The following RELL1 variants were observed in gnomAD, a reference collection of about 807,000 sequenced individuals.
The protein encoded by RELL1 is RELT like 1.
RELL1 carries 10 observed loss-of-function variants against 23.0 expected under a neutral mutation model. That is an observed-to-expected ratio of 0.43 (90% CI 0.27 to 0.74). The LOEUF is 0.74. Ranked by LOEUF, RELL1 falls within the 30% of genes least tolerant of loss-of-function variation. The pLI is 0.19. For synonymous variants in RELL1, 146 were observed against 146.8 expected (o/e 0.99, Z 0.04); for missense variants, 315 against 364.4 (o/e 0.86, Z 1.10).
At chr4:37,677,189 T>C (rs973592737) in intron 1 of RELL1, among the ~76,000 whole-genome samples, 1 of 152,232 alleles carries the variant, frequency 6.6e-6, no homozygotes, top group African/African-American at 2.4e-5. Flanking sequence ...ACCAGGCCCT[T>C]GAGCATGAGG....
In RELL1 at chr4:37,668,750, C is replaced by T. The variant is rs1202995277; in HGVS notation, c.88+17450G>A. 2.9e-4 allele frequency among the ~76,000 whole-genome samples: 43 copies of T among 147,812 alleles called. 3 individuals carry two copies. The highest frequency in any genetic ancestry group is 2.5e-4 in the Non-Finnish European group (17 of 67,560). On this transcript the variant is annotated intron_variant, in intron 1 of 6. Transcript: ENST00000454158. ...AGTGAGGAGCATCTCTGCCCGGCCG[C>T]CATCCCATCTAGGAAGTGAGGAGCG...
intron 1 of RELL1, among the ~76,000 whole-genome samples, chr4:37,678,063 C>T (rs1560361569): frequency 6.6e-6 from 1 of 152,188 alleles, no homozygotes; most frequent in Non-Finnish European, 1.5e-5. Context: ...GTATAGGAAG[C>T]ATAGTGGCAT....
At chr4:37,609,497 T>A (rs914657648), downstream of RELL1, among the ~76,000 whole-genome samples, 3 of 152,238 alleles carry the variant, frequency 2.0e-5, no homozygotes, top group African/African-American at 7.2e-5. Context: ...CTTTCAAGTC[T>A]AATTATTTAA....
At chr4:37,624,418 CTTTTTTTTTTT>C (rs35118296) in intron 6 of RELL1, among the ~76,000 whole-genome samples, 3 of 111,372 alleles carry the variant, frequency 2.7e-5, no homozygotes, top group African/African-American at 1.1e-4. Flanking sequence ...TTCTTTCTTT[CTTTTTTTTTTT>C]TTTTTTTTGA....
intron 1 of RELL1, among the ~76,000 whole-genome samples, chr4:37,673,213 A>G (rs183328089): frequency 0.14 from 645 of 4,690 alleles, 19 homozygotes; most frequent in Admixed American, 0.38. Context: ...TTTTTGAGAC[A>G]GGGTTTCACT....
chr4:37,650,451 CTTGAGGCTCGTATATG>C (rs1346501085), intron 1 of RELL1, among the ~76,000 whole-genome samples: 3 of 152,156 alleles, frequency 2.0e-5, no homozygotes, highest in Non-Finnish European at 4.4e-5. Flanking sequence ...CCCCTGCCAT[CTTGAGGCTCGTATATG>C]ATGGCATCAG....
intron 6 of RELL1, among the ~76,000 whole-genome samples, chr4:37,617,387 C>T (rs1719610878): frequency 6.6e-6 from 1 of 152,206 alleles, no homozygotes; most frequent in African/African-American, 2.4e-5. Flanking sequence ...ACCCTGCAAA[C>T]ACAACACTAT....
downstream of RELL1, among the ~76,000 whole-genome samples, chr4:37,606,874 A>G: frequency 6.6e-6 from 1 of 152,222 alleles, no homozygotes; most frequent in Non-Finnish European, 1.5e-5. This position sits in a 1 kb window ranked among gnomAD's most constrained non-coding sequence, Gnocchi z 4.1. Flanking sequence ...ATATTCATTA[A>G]TTACAAAGGG....
intron 1 of RELL1, among the ~76,000 whole-genome samples, chr4:37,676,000 C>T (rs1308505396): frequency 6.6e-6 from 1 of 152,216 alleles, no homozygotes; most frequent in African/African-American, 2.4e-5. Context: ...ATCTTACCTC[C>T]TCTCTTCGGT....
intron 2 of RELL1, among the ~76,000 whole-genome samples, chr4:37,647,818 C>T (rs1720761447): frequency 6.6e-6 from 1 of 152,176 alleles, no homozygotes; most frequent in African/African-American, 2.4e-5. Context: ...TAATTGCAGA[C>T]TTACTATATC....
chr4:37,684,867 C>G (rs899921286), intron 1 of RELL1, among the ~76,000 whole-genome samples: 1 of 152,148 alleles, frequency 6.6e-6, no homozygotes, highest in Non-Finnish European at 1.5e-5. Flanking sequence ...GCAGGAGAAT[C>G]ACTTGAACCA....
At chr4:37,624,604 AT>A (rs959157827) in intron 6 of RELL1, among the ~76,000 whole-genome samples, 5 of 148,802 alleles carry the variant, frequency 3.4e-5, no homozygotes, top group African/African-American at 1.2e-4. Flanking sequence ...TTTTTTTTGT[AT>A]TTTTTAGTAG....
chr4:37,609,588 G>A (rs56220502), downstream of RELL1, among the ~76,000 whole-genome samples: 31,144 of 152,152 alleles, frequency 0.2, 4,833 homozygotes, highest in African/African-American at 0.41. Flanking sequence ...GAAATCTTCT[G>A]GAAGGAATTC....
intron 2 of RELL1, among the ~76,000 whole-genome samples, chr4:37,648,449 A>T (rs146825086): frequency 6.6e-6 from 1 of 152,212 alleles, no homozygotes; most frequent in African/African-American, 2.4e-5. Context: ...ACCTACTCCA[A>T]TGTCACCTTT....
At chr4:37,586,909 C>CA (rs1000777758), downstream of RELL1, among the ~76,000 whole-genome samples, 2 of 151,976 alleles carry the variant, frequency 1.3e-5, no homozygotes, top group African/African-American at 4.8e-5. Context: ...GGCTCTGTCT[C>CA]AAAAAAACAA....
At chr4:37,686,171 C>G (rs1408282125) in intron 1 of RELL1, 29 bp downstream of exon 1, 1 of 1,548,970 alleles carries the variant, frequency 6.5e-7, no homozygotes, top group Non-Finnish European at 8.7e-7. Flanking sequence ...GCTCAGCACC[C>G]GGCGCCCCGG....
At chr4:37,637,711 C>G (rs1342637627) in intron 4 of RELL1, among the ~76,000 whole-genome samples, 1 of 152,212 alleles carries the variant, frequency 6.6e-6, no homozygotes, top group African/African-American at 2.4e-5. Flanking sequence ...AGAGCAGCAC[C>G]CAGCACACAG....
intron 6 of RELL1, among the ~76,000 whole-genome samples, chr4:37,629,527 A>G (rs1189937077): frequency 6.6e-6 from 1 of 152,206 alleles, no homozygotes; most frequent in African/African-American, 2.4e-5. Context: ...CTCTTCTTAA[A>G]TTCCTCTTGA....
chr4:37,644,170 A>T (rs751147099), intron 3 of RELL1, among the ~76,000 whole-genome samples: 3 of 152,124 alleles, frequency 2.0e-5, no homozygotes, highest in Non-Finnish European at 2.9e-5. Context: ...AAGGAAAACA[A>T]CATCATTTAA....
Sources: gnomAD v4.1 joint callset for allele counts (sites outside exome capture counted in the v4.1 genomes callset) on GRCh38, gnomAD v4.1.1 for gene constraint, Gnocchi (gnomAD v3.1) non-coding constraint, MANE v1.5 for transcripts, NCBI Gene and HGNC (gene_info 2026-07-23, HGNC 2026-07-21) for gene names.